IFT57: variants seen among roughly 807,000 people sequenced by gnomAD.
IFT57 encodes the protein intraflagellar transport protein 57 homolog.
A neutral mutation model predicts 56.8 loss-of-function variants in IFT57; 59 were observed. That is an observed-to-expected ratio of 1.04 (90% confidence interval 0.84 to 1.29). IFT57 has a LOEUF of 1.29. IFT57 is among the 50% of genes most tolerant of loss of function. The probability of loss-of-function intolerance (pLI) is 0.00; values close to 1 mark genes in which losing one functional copy is unlikely to be tolerated. For synonymous variants in IFT57, 209 were observed against 186.1 expected (o/e 1.12, Z -1.00); for missense variants, 470 against 522.1 (o/e 0.90, Z 0.97).
intron 6 of IFT57, among the ~76,000 whole-genome samples, chr3:108,169,788 A>G (rs1276925285): frequency 1.3e-5 from 2 of 152,008 alleles, no homozygotes; most frequent in Admixed American, 6.6e-5. Context: ...GCACATCAAA[A>G]AGCTTATCCA....
rs9851371 is a variant in IFT57 at position 108,186,000 on chromosome 3, G to A, written c.777+5521C>T. Among the ~76,000 whole-genome samples, 695 of 152,214 alleles carry A rather than the reference G, an allele frequency of 4.6e-3. 2 individuals carry two copies. The highest frequency in any genetic ancestry group is 0.016 in the African/African-American group (666 of 41,532). On this transcript the variant is annotated intron_variant, in intron 6 of 10. Coordinates refer to ENST00000264538, the MANE Select transcript of IFT57 (RefSeq NM_018010.4). The stretch of plus-strand genomic sequence containing the variant: ...CCATGACTTAAACATCGAAGGCACT[G>A]AAGTGGTCTAGTTGCCCCCAAACAC...
chr3:108,198,133 A>G (rs139248584), intron 5 of IFT57, among the ~76,000 whole-genome samples: 1 of 152,286 alleles, frequency 6.6e-6, no homozygotes, highest in Non-Finnish European at 1.5e-5. Context: ...GAATAGTTAC[A>G]TGACTTTTTC....
intron 6 of IFT57, among the ~76,000 whole-genome samples, chr3:108,190,773 C>T (rs1379880717): frequency 6.6e-6 from 1 of 152,080 alleles, no homozygotes; most frequent in Non-Finnish European, 1.5e-5. Flanking sequence ...TTAAATATGA[C>T]TTCTTGATTA....
At chr3:108,178,047 C>A (rs1451976415) in intron 6 of IFT57, among the ~76,000 whole-genome samples, 1 of 151,670 alleles carries the variant, frequency 6.6e-6, no homozygotes, top group East Asian at 1.9e-4. Context: ...AACAAATAAA[C>A]ATAAAATATA....
chr3:108,206,131 T>C (rs1009503736), intron 5 of IFT57, among the ~76,000 whole-genome samples: 6 of 141,316 alleles, frequency 4.2e-5, no homozygotes, highest in Non-Finnish European at 9.1e-5. Context: ...TAAAAATATA[T>C]ATCTGAAATA....
At chr3:108,167,057 T>C in intron 7 of IFT57, 72 bp from the exon 8 acceptor site, 1 of 1,363,982 alleles carries the variant, frequency 7.3e-7, no homozygotes, top group African/African-American at 1.5e-5. Flanking sequence ...AAAAATGGGT[T>C]ACATCTCAAT....
intron 4 of IFT57, among the ~76,000 whole-genome samples, chr3:108,210,332 C>CTTTTTTTTTTTTTTTTTT (rs35896793): frequency 9.3e-6 from 1 of 108,022 alleles, no homozygotes; most frequent in African/African-American, 3.6e-5. Context: ...CAGAAATAAT[C>CTTTTTTTTTTTTTTTTTT]TTTTTTTTTT....
chr3:108,181,589 G>A (rs935140072), intron 6 of IFT57, among the ~76,000 whole-genome samples: 1 of 152,150 alleles, frequency 6.6e-6, no homozygotes, highest in East Asian at 1.9e-4. Flanking sequence ...AGTTAATTTA[G>A]GCAGTTTATT....
At chr3:108,189,701 C>T (rs573544600) in intron 6 of IFT57, among the ~76,000 whole-genome samples, 1 of 152,204 alleles carries the variant, frequency 6.6e-6, no homozygotes, top group Non-Finnish European at 1.5e-5. Flanking sequence ...TTACAGTTGA[C>T]CCTCGAACAA....
chr3:108,211,954 C>G (rs1185524945), intron 4 of IFT57, among the ~76,000 whole-genome samples: 1 of 152,168 alleles, frequency 6.6e-6, no homozygotes, highest in African/African-American at 2.4e-5. Flanking sequence ...ATTCCCATGT[C>G]AGTAACTTTG....
intron 4 of IFT57, among the ~76,000 whole-genome samples, chr3:108,210,457 C>T (rs1280810687): frequency 6.6e-6 from 1 of 151,424 alleles, no homozygotes; most frequent in East Asian, 1.9e-4. Flanking sequence ...CCTCAGTCTC[C>T]CGAGTAGCTG....
intron 6 of IFT57, among the ~76,000 whole-genome samples, chr3:108,188,469 T>C (rs899742091): frequency 6.6e-6 from 1 of 152,034 alleles, no homozygotes; most frequent in African/African-American, 2.4e-5. Context: ...AAAGAAGAAT[T>C]CTAAAAAAGC....
chr3:108,220,224 T>A (rs1286660463), intron 1 of IFT57, among the ~76,000 whole-genome samples: 1 of 152,238 alleles, frequency 6.6e-6, no homozygotes, highest in African/African-American at 2.4e-5. Context: ...GTCAAACATC[T>A]GTGGGCTCTT....
chr3:108,187,299 T>C (rs929242476), intron 6 of IFT57, among the ~76,000 whole-genome samples: 1 of 152,172 alleles, frequency 6.6e-6, no homozygotes, highest in Non-Finnish European at 1.5e-5. Flanking sequence ...GAACTGGCAA[T>C]AGTAGCAAGT....
chr3:108,213,774 G>A (rs62267895), intron 4 of IFT57, 157 bp downstream of exon 4: 50,763 of 548,910 alleles, frequency 0.092, 2,516 homozygotes, highest in Middle Eastern at 0.11. Context: ...TTAACCAAAG[G>A]TCTAAATGAT....
At chr3:108,201,976 G>A (rs1342320273) in intron 5 of IFT57, among the ~76,000 whole-genome samples, 1 of 152,162 alleles carries the variant, frequency 6.6e-6, no homozygotes, top group Admixed American at 6.5e-5. Context: ...TTCTTGCTAA[G>A]TAATTAAAAA....
At chr3:108,205,040 A>AT (rs1420080778) in intron 5 of IFT57, among the ~76,000 whole-genome samples, 2 of 152,164 alleles carry the variant, frequency 1.3e-5, no homozygotes, top group Non-Finnish European at 2.9e-5. Context: ...CAATTGATCA[A>AT]TAAAAAATAC....
At chr3:108,220,311 C>T (rs923358259) in intron 1 of IFT57, among the ~76,000 whole-genome samples, 5 of 152,222 alleles carry the variant, frequency 3.3e-5, no homozygotes, top group Admixed American at 3.3e-4. Context: ...AGGAATAAAA[C>T]TCACTAGCAA....
chr3:108,177,149 CAAG>C (rs1210037696), intron 6 of IFT57, among the ~76,000 whole-genome samples: 3 of 151,764 alleles, frequency 2.0e-5, no homozygotes, highest in East Asian at 1.9e-4. Context: ...TGAGTTCTTA[CAAG>C]AAGGTTATTC....
Sources: gnomAD v4.1 joint callset for allele counts (sites outside exome capture counted in the v4.1 genomes callset) on GRCh38, gnomAD v4.1.1 for gene constraint, MANE v1.5 for transcripts, NCBI Gene and HGNC (gene_info 2026-07-23, HGNC 2026-07-21) for gene names.